The following ELAVL2 variants were observed in gnomAD, a reference collection of about 807,000 sequenced individuals.
ELAVL2 encodes ELAV like RNA binding protein 2.
In ELAVL2, 4 loss-of-function variants were observed where a neutral mutation model predicts 34.6. That is an observed-to-expected ratio of 0.12 (90% CI 0.06 to 0.26). ELAVL2 has a LOEUF of 0.26. ELAVL2 is among the 10% of genes least tolerant of loss of function. ELAVL2 has a pLI of 1.00. For missense variants in ELAVL2, 432 were observed against 442.8 expected, an observed-to-expected ratio of 0.98 and a Z score of 0.22; for synonymous variants, 193 against 154.8, an observed-to-expected ratio of 1.25 and a Z score of -1.83.
At chr9:23,737,971 G>C (rs2048290900) in intron 2 of ELAVL2, among the ~76,000 whole-genome samples, 1 of 152,134 alleles carries the variant, frequency 6.6e-6, no homozygotes, top group Non-Finnish European at 1.5e-5. Flanking sequence ...CGTTACAAAG[G>C]GGGAAAATTT....
intron 5 of ELAVL2, among the ~76,000 whole-genome samples, chr9:23,695,136 A>G (rs889384497): frequency 4.6e-5 from 7 of 152,214 alleles, no homozygotes; most frequent in East Asian, 1.9e-4. Context: ...ATAGTCAAGA[A>G]TAAGGATCAC....
intron 1 of ELAVL2, chr9:23,821,561 C>G (rs1350418612): frequency 6.6e-6 from 1 of 152,456 alleles, no homozygotes; most frequent in Non-Finnish European, 1.5e-5. Context: ...GGACCAGGGG[C>G]AAGGCGCGGA....
intron 2 of ELAVL2, among the ~76,000 whole-genome samples, chr9:23,755,356 T>C (rs192801990): frequency 1.3e-5 from 2 of 152,272 alleles, no homozygotes; most frequent in Admixed American, 1.3e-4. Context: ...TCTATAAAAA[T>C]ACCCAGGTTC....
rs540843377 is a variant in ELAVL2, at chr9:23,816,608, G to C, written c.-16+9198C>G. ...CCAATTTATGATGGTTCAAACTTAC[G>C]ATTTTTCAACTGTATGGTGATATAA... On this transcript the variant is annotated intron_variant, in intron 1 of 6. Coordinates refer to ENST00000397312, the MANE Select transcript of ELAVL2 (RefSeq NM_004432.5). Among the ~76,000 whole-genome samples the C allele has an allele frequency of 5.4e-4, 81 of 151,196 alleles. No individual in the cohort carries two copies. The South Asian group carries it at 0.011, about 21-fold the overall frequency.
intron 2 of ELAVL2, among the ~76,000 whole-genome samples, chr9:23,736,818 A>T (rs2048013270): frequency 6.6e-6 from 1 of 152,052 alleles, no homozygotes; most frequent in South Asian, 2.1e-4. Flanking sequence ...TTAAAACACA[A>T]ATCTAACCAT....
At chr9:23,699,450 C>G (rs2036383707) in intron 5 of ELAVL2, among the ~76,000 whole-genome samples, 2 of 152,144 alleles carry the variant, frequency 1.3e-5, no homozygotes, top group Admixed American at 6.6e-5. Flanking sequence ...TTTCCACTAA[C>G]AGCAAACATT....
intron 1 of ELAVL2, among the ~76,000 whole-genome samples, chr9:23,791,880 A>G (rs2060365233): frequency 6.6e-6 from 1 of 152,196 alleles, no homozygotes; most frequent in South Asian, 2.1e-4. Flanking sequence ...TGGCAGCCTA[A>G]GCAAACTAAT....
intron 1 of ELAVL2, among the ~76,000 whole-genome samples, chr9:23,824,927 C>A (rs2065200279): frequency 6.6e-6 from 1 of 152,092 alleles, no homozygotes; most frequent in African/African-American, 2.4e-5. Context: ...CAGAGGGGTT[C>A]CCCCTCTCCC....
At chr9:23,734,524 G>A (rs1381639532) in intron 2 of ELAVL2, among the ~76,000 whole-genome samples, 1 of 152,136 alleles carries the variant, frequency 6.6e-6, no homozygotes, top group African/African-American at 2.4e-5. Flanking sequence ...GTTTATACCT[G>A]AACTGAGACT....
At chr9:23,750,383 C>T (rs1404854195) in intron 2 of ELAVL2, among the ~76,000 whole-genome samples, 1 of 151,834 alleles carries the variant, frequency 6.6e-6, no homozygotes, top group East Asian at 1.9e-4. Context: ...AATCCTATTC[C>T]AATATGTATA....
rs1203718610 is a variant in ELAVL2, at chr9:23,772,640, C to T, written c.-15-10391G>A. ...AATAAAGGGATGCCATCCCAGGGCA[C>T]ATAAATATCTTAGAATTCATTGATG... On this transcript the variant is annotated intron_variant, in intron 1 of 6. Transcript: ENST00000397312. Among the ~76,000 whole-genome samples, 6 of 151,046 alleles carry T rather than the reference C, an allele frequency of 4.0e-5. No individual in the cohort carries two copies. In the East Asian group the frequency reaches 9.8e-4, roughly 25 times the overall value.
chr9:23,765,827 G>C (rs989619103), intron 1 of ELAVL2, among the ~76,000 whole-genome samples: 1 of 152,078 alleles, frequency 6.6e-6, no homozygotes, highest in Non-Finnish European at 1.5e-5. Context: ...GAAATCAAGT[G>C]AACATTTTTT....
chr9:23,715,309 C>T (rs550284647), intron 3 of ELAVL2, among the ~76,000 whole-genome samples: 86 of 152,228 alleles, frequency 5.6e-4, no homozygotes, highest in African/African-American at 1.9e-3. Context: ...CCACCACGCC[C>T]GGCTAATTTT....
intron 1 of ELAVL2, among the ~76,000 whole-genome samples, chr9:23,768,428 G>A (rs2056722039): frequency 6.7e-6 from 1 of 150,224 alleles, no homozygotes; most frequent in South Asian, 2.1e-4. Context: ...CCCTAAATGT[G>A]TACAAACTAG....
chr9:23,798,097 T>C (rs762909019), intron 1 of ELAVL2, among the ~76,000 whole-genome samples: 1 of 152,178 alleles, frequency 6.6e-6, no homozygotes, highest in Non-Finnish European at 1.5e-5. Context: ...CTGTAAGCAA[T>C]AGGGAGCCAC....
At chr9:23,718,086 T>C (rs527718703) in intron 3 of ELAVL2, among the ~76,000 whole-genome samples, 1 of 152,292 alleles carries the variant, frequency 6.6e-6, no homozygotes, top group East Asian at 1.9e-4. Flanking sequence ...CTTGTTATGG[T>C]TCCATATAAT....
chr9:23,715,870 C>T (rs955930941), intron 3 of ELAVL2, among the ~76,000 whole-genome samples: 35 of 151,764 alleles, frequency 2.3e-4, no homozygotes, highest in Non-Finnish European at 4.3e-4. Context: ...CAACCAGTAC[C>T]GGTTGGTAAT....
the ELAVL2 span, among the ~76,000 whole-genome samples, chr9:23,850,522 G>T: frequency 6.6e-6 from 1 of 151,880 alleles, no homozygotes; most frequent in East Asian, 1.9e-4. Flanking sequence ...CCCCGGCTGG[G>T]TGCACCTCAT....
At chr9:23,732,811 C>T (rs774190906) in intron 2 of ELAVL2, among the ~76,000 whole-genome samples, 25 of 152,048 alleles carry the variant, frequency 1.6e-4, no homozygotes, top group Admixed American at 6.6e-4. Flanking sequence ...CTCTCTAAAA[C>T]GAGGGTAATT....
Sources: allele counts gnomAD v4.1 joint callset (sites outside exome capture counted in the v4.1 genomes callset), GRCh38; gene constraint gnomAD v4.1.1; transcripts MANE v1.5; gene names NCBI Gene and HGNC (gene_info 2026-07-23, HGNC 2026-07-21).